WWOX: variants seen among roughly 807,000 people sequenced by gnomAD.
WWOX encodes the protein WW domain containing oxidoreductase.
Under a neutral mutation model 46.2 loss-of-function variants are expected in WWOX, and 69 were observed. That is an observed-to-expected ratio of 1.49 (90% CI 1.23 to 1.82). WWOX has a LOEUF of 1.82. WWOX is among the 40% of genes most tolerant of loss of function. The pLI, the probability that WWOX is intolerant of heterozygous loss-of-function variation, is 0.00. For missense variants in WWOX, 919 were observed against 542.6 expected (o/e 1.69, Z -6.89); for synonymous variants, 359 against 202.6 (o/e 1.77, Z -6.56).
intron 8 of WWOX, among the ~76,000 whole-genome samples, chr16:78,762,397 C>G (rs976513321): frequency 6.6e-6 from 1 of 152,186 alleles, no homozygotes; most frequent in South Asian, 2.1e-4. Context: ...CTTGGTGACT[C>G]GTGTGTACTT....
intron 8 of WWOX, among the ~76,000 whole-genome samples, chr16:78,748,102 C>T (rs1282716383): frequency 6.6e-6 from 1 of 152,102 alleles, no homozygotes; most frequent in Non-Finnish European, 1.5e-5. Context: ...CTCTTTCTCT[C>T]CCAGACCGGA....
chr16:78,336,800 G>C (rs1454155848), intron 5 of WWOX, among the ~76,000 whole-genome samples: 1 of 152,062 alleles, frequency 6.6e-6, no homozygotes, highest in African/African-American at 2.4e-5. Context: ...CTAGGTTTTT[G>C]TTTGTTTTCG....
intron 8 of WWOX, among the ~76,000 whole-genome samples, chr16:78,989,422 C>G (rs1363753323): frequency 6.6e-6 from 1 of 152,164 alleles, no homozygotes; most frequent in Non-Finnish European, 1.5e-5. Context: ...TTAACAGCAC[C>G]ACAAATATTG....
At chr16:78,556,234 A>T (rs1373523018) in intron 8 of WWOX, among the ~76,000 whole-genome samples, 1 of 151,868 alleles carries the variant, frequency 6.6e-6, no homozygotes, top group Non-Finnish European at 1.5e-5. Context: ...GAGTTTGGAA[A>T]TAAACAGGGT....
At chr16:79,166,915 C>A (rs776077601) in intron 8 of WWOX, among the ~76,000 whole-genome samples, 3 of 152,002 alleles carry the variant, frequency 2.0e-5, no homozygotes, top group Non-Finnish European at 4.4e-5. Flanking sequence ...ATACAACACT[C>A]GGTAAATTTC....
chr16:78,767,661 G>T (rs1193546218), intron 8 of WWOX, among the ~76,000 whole-genome samples: 1 of 152,110 alleles, frequency 6.6e-6, no homozygotes, highest in Non-Finnish European at 1.5e-5. Context: ...TTCAACAGCA[G>T]CCGCATCATT....
rs1372149771 is a variant in WWOX, at chr16:78,393,839, TG to T, written c.605+6892del. On this transcript the variant is annotated intron_variant, in intron 6 of 8. Coordinates refer to ENST00000566780, the MANE Select transcript of WWOX (RefSeq NM_016373.4). ...CTTAGAAGATAATATAGAACAGTGG[TG>T]TTTTTTTAATTAAAAAAAAGGTTAA... Among the ~76,000 whole-genome samples the T allele has an allele frequency of 6.6e-5, 10 of 151,282 alleles. 1 individual carries two copies. Among genetic ancestry groups the T allele is most frequent in the South Asian group, 6.2e-4 (3 of 4,826 alleles).
At chr16:78,496,630 G>A (rs1567606573) in intron 8 of WWOX, among the ~76,000 whole-genome samples, 1 of 152,182 alleles carries the variant, frequency 6.6e-6, no homozygotes, top group Non-Finnish European at 1.5e-5. Flanking sequence ...GATCTTGAAG[G>A]GAGGGATGCA....
chr16:78,910,506 GTT>G (rs3085520), intron 8 of WWOX, among the ~76,000 whole-genome samples: 23,677 of 147,656 alleles, frequency 0.16, 2,250 homozygotes, highest in East Asian at 0.42. Flanking sequence ...AGGATCTTTT[GTT>G]TTTTTTTTTT....
chr16:78,412,505 G>C (rs1320241561), intron 6 of WWOX, among the ~76,000 whole-genome samples: 1 of 152,146 alleles, frequency 6.6e-6, no homozygotes, highest in Non-Finnish European at 1.5e-5. Context: ...TTTAGAGATG[G>C]AATGAAAAGA....
intron 8 of WWOX, among the ~76,000 whole-genome samples, chr16:79,156,476 A>G (rs1426018328): frequency 6.6e-6 from 1 of 152,238 alleles, no homozygotes; most frequent in Non-Finnish European, 1.5e-5. Flanking sequence ...TGCAGTTTTT[A>G]AAGGCAGAAA....
At chr16:78,158,141 G>T (rs1320794300) in intron 4 of WWOX, among the ~76,000 whole-genome samples, 2 of 152,200 alleles carry the variant, frequency 1.3e-5, no homozygotes, top group Non-Finnish European at 2.9e-5. Context: ...TGTATAAATA[G>T]ACTGTTTTCT....
chr16:78,372,366 C>A (rs1020071914), intron 5 of WWOX, among the ~76,000 whole-genome samples: 1 of 152,132 alleles, frequency 6.6e-6, no homozygotes, highest in Non-Finnish European at 1.5e-5. Context: ...CCGTCTACCC[C>A]CCTGCTGCTC....
At chr16:78,964,550 T>G (rs533468124) in intron 8 of WWOX, among the ~76,000 whole-genome samples, 1 of 152,288 alleles carries the variant, frequency 6.6e-6, no homozygotes, top group Admixed American at 6.5e-5. Flanking sequence ...GCATTCAGTT[T>G]TATAAAAGAA....
rs145053217 is a variant in WWOX, at chr16:78,729,685, G to C, written c.1056+296933G>C. Among the ~76,000 whole-genome samples, 54 of 152,246 alleles carry C rather than the reference G, an allele frequency of 3.5e-4. No homozygotes were observed. In the East Asian group the frequency reaches 9.3e-3, roughly 26 times the overall value. The stretch of plus-strand genomic sequence containing the variant: ...GGCTTCCGGAACTGCAAAAGAACAA[G>C]TTTCTGTTGTGTGTAGGCACCCAGT... On this transcript the variant is annotated intron_variant, in intron 8 of 8. Transcript: ENST00000566780.
chr16:79,021,606 C>T lies in WWOX; in HGVS notation c.1057-190002C>T, dbSNP rs80211817. Reference sequence around the variant, plus strand: ...TGAAAACGATGTTTGGAAATAGCTGCGACTCTCGCGTGATAGGAAAATATC... The same window carrying T: ...TGAAAACGATGTTTGGAAATAGCTGTGACTCTCGCGTGATAGGAAAATATC... On this transcript the variant is annotated intron_variant, in intron 8 of 8. Coordinates refer to ENST00000566780, the MANE Select transcript of WWOX (RefSeq NM_016373.4). 8.8e-3 allele frequency among the ~76,000 whole-genome samples: 1,345 copies of T among 152,272 alleles called. 15 individuals are homozygous for T. Among genetic ancestry groups the T allele is most frequent in the African/African-American group, 0.03 (1,264 of 41,546 alleles).
intron 8 of WWOX, among the ~76,000 whole-genome samples, chr16:78,693,689 G>A (rs1597454306): frequency 6.6e-6 from 1 of 152,124 alleles, no homozygotes; most frequent in East Asian, 1.9e-4. Flanking sequence ...TGGATGGAGG[G>A]CAGGTGTGCT....
At chr16:78,365,801 A>G (rs1396893227) in intron 5 of WWOX, among the ~76,000 whole-genome samples, 1 of 152,090 alleles carries the variant, frequency 6.6e-6, no homozygotes, top group Non-Finnish European at 1.5e-5. Flanking sequence ...GGCTCCCCCC[A>G]CCAAATTTCT....
chr16:78,209,332 T>A (rs1180008887), intron 5 of WWOX, among the ~76,000 whole-genome samples: 1 of 152,208 alleles, frequency 6.6e-6, no homozygotes, highest in Non-Finnish European at 1.5e-5. Flanking sequence ...ACTGATACTT[T>A]ATCCACTTCG....
Sources: allele counts gnomAD v4.1 joint callset (sites outside exome capture counted in the v4.1 genomes callset), GRCh38; gene constraint gnomAD v4.1.1; transcripts MANE v1.5; gene names NCBI Gene and HGNC (gene_info 2026-07-23, HGNC 2026-07-21).